Variants in MED27 observed in about 807,000 individuals in gnomAD.
The protein encoded by MED27 is mediator of RNA polymerase II transcription subunit 27.
MED27 carries 30 observed loss-of-function variants against 38.2 expected under a neutral mutation model. The observed-to-expected ratio is 0.79, with a 90% confidence interval of 0.59 to 1.07. The LOEUF is 1.07. MED27 is among the 50% of genes least tolerant of loss of function. The pLI, the probability that MED27 is intolerant of heterozygous loss-of-function variation, is 0.00. For missense variants in MED27, 289 were observed against 397.5 expected, an observed-to-expected ratio of 0.73 and a Z score of 2.32; for synonymous variants, 122 against 153.5, an observed-to-expected ratio of 0.79 and a Z score of 1.52.
chr9:131,945,755 T>C lies in MED27; in HGVS notation c.480-6281A>G, dbSNP rs889120074. 2.7e-5 allele frequency among the ~76,000 whole-genome samples: 4 copies of C among 148,236 alleles called. No individual in the cohort carries two copies. The South Asian group carries it at 6.5e-4, about 24-fold the overall frequency. On this transcript the variant is annotated intron_variant, in intron 3 of 7. Coordinates refer to ENST00000292035, the MANE Select transcript of MED27 (RefSeq NM_004269.4). ...CAGGAAGATGGCTTGAGCTCAGGAG[T>C]TCGAGATCAGCCTGGGCAACATGGC...
chr9:131,889,826 T>C lies in MED27; in HGVS notation c.681+4059A>G, dbSNP rs973080698. 2.6e-5 allele frequency among the ~76,000 whole-genome samples: 4 copies of C among 152,124 alleles called. No individual in the cohort carries two copies. Among genetic ancestry groups the C allele is most frequent in the African/African-American group, 7.2e-5 (3 of 41,424 alleles). ...ACCGCAGAGGCAGAAGTTAAGCCCA[T>C]AGGAGGCTTCCTGAGCCACACCCAG... On this transcript the variant is annotated intron_variant, in intron 5 of 7. Coordinates refer to ENST00000292035, the MANE Select transcript of MED27 (RefSeq NM_004269.4). The surrounding 1 kb of genome is among the most constrained non-coding windows in gnomAD (Gnocchi z 4.2).
chr9:131,870,800 T>C (rs2131459361), intron 6 of MED27, among the ~76,000 whole-genome samples: 1 of 152,316 alleles, frequency 6.6e-6, no homozygotes, highest in South Asian at 2.1e-4. Flanking sequence ...ACAATGTTCC[T>C]TCCACCTCTC....
intron 4 of MED27, among the ~76,000 whole-genome samples, chr9:131,900,431 G>A (rs921756754): frequency 1.3e-5 from 2 of 152,240 alleles, no homozygotes; most frequent in African/African-American, 4.8e-5. Flanking sequence ...GCCAACTGAC[G>A]TCTAACAAAA....
intron 4 of MED27, among the ~76,000 whole-genome samples, chr9:131,902,479 A>T (rs530614254): frequency 3.5e-4 from 53 of 152,276 alleles, no homozygotes; most frequent in African/African-American, 1.2e-3. Context: ...GCCAAGGAAG[A>T]GGGGGCCACC....
chr9:131,954,051 G>A lies in MED27; in HGVS notation c.480-14577C>T, dbSNP rs189558279. 2.2e-4 allele frequency among the ~76,000 whole-genome samples: 34 copies of A among 152,242 alleles called. 1 individual carries two copies. Among genetic ancestry groups the A allele is most frequent in the African/African-American group, 7.2e-4 (30 of 41,546 alleles). On this transcript the variant is annotated intron_variant, in intron 3 of 7. Transcript: ENST00000292035. ...ACTCCTGACCTCAGATGATCCGCCC[G>A]CCTCAGTCTCCCAAAGTGCTGGGTT...
intron 2 of MED27, among the ~76,000 whole-genome samples, chr9:132,030,613 A>T (rs546243641): frequency 2.6e-5 from 4 of 152,370 alleles, no homozygotes; most frequent in Admixed American, 1.3e-4. Flanking sequence ...ATGTCTGCAC[A>T]CATTTCTTAG....
chr9:131,938,331 C>T (rs141607867), intron 4 of MED27, among the ~76,000 whole-genome samples: 25 of 152,274 alleles, frequency 1.6e-4, no homozygotes, highest in African/African-American at 4.8e-4. Context: ...ACCTCCCTGA[C>T]GCCCATCGAA....
rs149435447 is a variant in MED27 at position 132,025,472 on chromosome 9, G to A, written c.349-11005C>T. On this transcript the variant is annotated intron_variant, in intron 2 of 7. Coordinates refer to ENST00000292035, the MANE Select transcript of MED27 (RefSeq NM_004269.4). ...GTTGGGATTACAGGCGTGAGCCACC[G>A]CGCCCAGCCCTGAGTGAATTTTCTA... Among the ~76,000 whole-genome samples, 1,472 of 152,306 alleles carry A rather than the reference G, an allele frequency of 9.7e-3. 24 individuals are homozygous for A. Among genetic ancestry groups the A allele is most frequent in the African/African-American group, 0.034 (1,404 of 41,574 alleles).
chr9:131,914,221 A>G (rs1192093116), intron 4 of MED27, among the ~76,000 whole-genome samples: 1 of 152,206 alleles, frequency 6.6e-6, no homozygotes, highest in African/African-American at 2.4e-5. Flanking sequence ...TCAAGACAGT[A>G]AGACTTCAAA....
At chr9:131,914,602 A>G (rs1830253785) in intron 4 of MED27, among the ~76,000 whole-genome samples, 1 of 152,210 alleles carries the variant, frequency 6.6e-6, no homozygotes, top group Non-Finnish European at 1.5e-5. Flanking sequence ...GGAGCCTGGA[A>G]ACAAGAAACA....
chr9:131,979,342 G>A (rs549663353), intron 3 of MED27, among the ~76,000 whole-genome samples: 26 of 152,176 alleles, frequency 1.7e-4, no homozygotes, highest in African/African-American at 5.3e-4. Flanking sequence ...CTGCAATCTC[G>A]TTTTAAGCAG....
chr9:131,877,170 T>C (rs971701828), intron 6 of MED27, among the ~76,000 whole-genome samples: 1 of 152,184 alleles, frequency 6.6e-6, no homozygotes. Flanking sequence ...CTTAGAACTT[T>C]TGTCACAACC....
chr9:131,945,775 CATGGCAAG>C (rs1402140521), intron 3 of MED27, among the ~76,000 whole-genome samples: 1 of 134,880 alleles, frequency 7.4e-6, no homozygotes, highest in African/African-American at 2.8e-5. Context: ...GCCTGGGCAA[CATGGCAAG>C]ATCCTGTCTC....
intron 4 of MED27, among the ~76,000 whole-genome samples, chr9:131,923,121 C>T (rs1282574009): frequency 6.6e-6 from 1 of 151,932 alleles, no homozygotes; most frequent in Non-Finnish European, 1.5e-5. Flanking sequence ...TCTAGACCTT[C>T]TCAGCAGACA....
rs1833454893 is a variant in MED27, at chr9:132,051,076, A to T, written c.348+26366T>A. Among the ~76,000 whole-genome samples, 1 of 152,204 alleles carries T rather than the reference A, an allele frequency of 6.6e-6. No individual in the cohort carries two copies. The highest frequency in any genetic ancestry group is 1.5e-5 in the Non-Finnish European group (1 of 68,034). ...CACACACACTGCAGCGAATGTTCTAATGGATCCATCCTTTTTCAAATGAAG... is the reference window on the plus strand; with the variant it reads ...CACACACACTGCAGCGAATGTTCTATTGGATCCATCCTTTTTCAAATGAAG... On this transcript the variant is annotated intron_variant, in intron 2 of 7. Coordinates refer to ENST00000292035, the MANE Select transcript of MED27 (RefSeq NM_004269.4). This position sits in a 1 kb window ranked among gnomAD's most constrained non-coding sequence, Gnocchi z 4.2.
chr9:131,986,790 C>T (rs1045267062), intron 3 of MED27, among the ~76,000 whole-genome samples: 6 of 152,142 alleles, frequency 3.9e-5, no homozygotes, highest in African/African-American at 9.7e-5. Context: ...TTTATTTAAA[C>T]AGACCACTCA....
Position 131,953,793 on chromosome 9 carries a change from T to A in MED27, c.480-14319A>T, listed in dbSNP as rs144252179. On this transcript the variant is annotated intron_variant, in intron 3 of 7. Transcript: ENST00000292035. ...AATTGTGGGGTTTTTTTTCCCCCAC[T>A]CTAAATAAATCTTCACTTTTATATC... 7.1e-3 allele frequency among the ~76,000 whole-genome samples: 1,079 copies of A among 151,158 alleles called. 8 individuals are homozygous for A. The highest frequency in any genetic ancestry group is 0.011 in the Admixed American group (163 of 15,116).
intron 3 of MED27, among the ~76,000 whole-genome samples, chr9:131,999,775 AG>A (rs1166802386): frequency 6.6e-6 from 1 of 152,220 alleles, no homozygotes; most frequent in Non-Finnish European, 1.5e-5. Context: ...GCCTGTCACC[AG>A]CACCAACTCC....
Position 131,917,816 on chromosome 9 carries a change from G to T in MED27, c.573+21565C>A, listed in dbSNP as rs1454628263. On this transcript the variant is annotated intron_variant, in intron 4 of 7. Transcript: ENST00000292035. The surrounding 1 kb of genome is among the most constrained non-coding windows in gnomAD (Gnocchi z 4.6). ...GTGTAGGATAAGCGTAAGACAAGTA[G>T]TCTGGCCTGAAAACATCCAGCATTT... Among the ~76,000 whole-genome samples the T allele has an allele frequency of 6.6e-6, 1 of 152,164 alleles. No homozygotes were observed. The highest frequency in any genetic ancestry group is 1.5e-5 in the Non-Finnish European group (1 of 68,034).
Sources: allele counts gnomAD v4.1 joint callset (sites outside exome capture counted in the v4.1 genomes callset), GRCh38; gene constraint gnomAD v4.1.1; non-coding constraint Gnocchi (gnomAD v3.1); transcripts MANE v1.5; gene names NCBI Gene and HGNC (gene_info 2026-07-23, HGNC 2026-07-21).